Variants in CST3 observed in about 807,000 individuals in gnomAD.
CST3 encodes cystatin-C.
In CST3, 14 loss-of-function variants were observed where a neutral mutation model predicts 9.0. The observed-to-expected ratio is 1.56, with a 90% CI of 1.03 to 2.44. The LOEUF is 2.44. Among genes scored for constraint, CST3 ranks in the 30% most tolerant of loss-of-function variants. CST3 has a pLI of 0.00. For synonymous variants in CST3, 96 were observed against 90.2 expected (o/e 1.06, Z -0.37); for missense variants, 237 against 204.3 (o/e 1.16, Z -0.98).
chr20:23,626,832 G>A (rs560110164), exon 4 of CST3: 27 of 152,288 alleles, frequency 1.8e-4, no homozygotes, highest in African/African-American at 6.5e-4. Flanking sequence ...GATGGGGGTT[G>A]GGTGGTAAAT....
Position 23,637,676 on chromosome 20 carries a change from C to T in CST3, c.187G>A (p.Ala63Thr), listed in dbSNP as rs1979742906. The part of the protein sequence containing the change: ...LDFAVGEYNK[A>T]SNDMYHSRAL... ...CGGCTGTGGTACATGTCGTTGCTGG[C>T]TTTGTTGTACTCGCCGACGGCAAAG... Residue 63 changes from alanine to threonine, a missense_variant, in exon 1 of 3, where the codon GCC becomes ACC. Coordinates refer to ENST00000376925, the MANE Select transcript of CST3 (RefSeq NM_000099.4). The T allele has an allele frequency of 3.9e-6, 6 of 1,539,186 alleles. No homozygotes were observed. In the South Asian group the frequency reaches 7.3e-5, roughly 19 times the overall value.
intron 2 of CST3, among the ~76,000 whole-genome samples, chr20:23,634,524 G>A (rs1484869496): frequency 6.6e-6 from 1 of 152,070 alleles, no homozygotes. Context: ...GGTGAGCTGG[G>A]GCAGGTCTGA....
At chr20:23,629,904 C>T (rs1023196698), downstream of CST3, among the ~76,000 whole-genome samples, 2 of 152,162 alleles carry the variant, frequency 1.3e-5, no homozygotes, top group African/African-American at 4.8e-5. Context: ...TTCATTGCCC[C>T]AAACAAAGCT....
intron 2 of CST3, among the ~76,000 whole-genome samples, chr20:23,634,487 C>A (rs985153843): frequency 6.6e-6 from 1 of 152,150 alleles, no homozygotes; most frequent in Non-Finnish European, 1.5e-5. Flanking sequence ...CACAAGAAAT[C>A]CTGGGTCCTT....
At chr20:23,630,168 C>T (rs756427532), downstream of CST3, among the ~76,000 whole-genome samples, 3 of 152,200 alleles carry the variant, frequency 2.0e-5, no homozygotes, top group South Asian at 2.1e-4. Flanking sequence ...CCAATGTCCA[C>T]GTCCCATCCC....
rs546173157 is a variant in CST3 at position 23,637,668 on chromosome 20, G to C, written c.195C>G (p.Asn65Lys). The C allele has an allele frequency of 1.9e-5, 29 of 1,536,806 alleles. No individual in the cohort carries two copies. The highest frequency in any genetic ancestry group is 1.2e-4 in the Admixed American group (6 of 50,076). ...GCAGCGCGCGGCTGTGGTACATGTC[G>C]TTGCTGGCTTTGTTGTACTCGCCGA... ...FAVGEYNKAS[N>K]DMYHSRALQV... Residue 65 changes from asparagine to lysine, a missense_variant, in exon 1 of 3, where the codon AAC becomes AAG. Physicochemically the swap from Asn to Lys is moderately conservative, Grantham distance 94. Transcript: ENST00000376925.
exon 4 of CST3, chr20:23,627,927 T>C (rs1347792824): frequency 3.9e-5 from 6 of 152,204 alleles, no homozygotes; most frequent in Non-Finnish European, 7.3e-5. Context: ...TTTAAATTGG[T>C]TTTTTTAAAA....
Position 23,637,719 on chromosome 20 carries a change from A to T in CST3, c.144T>A (p.Gly48=). Reference sequence around the variant, plus strand: ...CGGCAAAGTCCAGTGCACGCCGCACACCCTCCTCCTCCACGCTGGCGTCCA... The same window carrying T: ...CGGCAAAGTCCAGTGCACGCCGCACTCCCTCCTCCTCCACGCTGGCGTCCA... ...GPMDASVEEE[G]VRRALDFAVG... The change falls in exon 1 of 3, where the codon GGT becomes GGA. Residue 48 remains glycine, a synonymous_variant. Coordinates refer to ENST00000376925, the MANE Select transcript of CST3 (RefSeq NM_000099.4). 6.5e-7 allele frequency: 1 copy of T among 1,543,624 alleles called. No homozygotes were observed. Among genetic ancestry groups the T allele is most frequent in the East Asian group, 2.5e-5 (1 of 39,814 alleles).
downstream of CST3, among the ~76,000 whole-genome samples, chr20:23,633,106 G>A (rs2122467273): frequency 6.6e-6 from 1 of 152,234 alleles, no homozygotes; most frequent in African/African-American, 2.4e-5. Flanking sequence ...TCTCTGGTCT[G>A]GCTGGCGTTT....
chr20:23,635,385 C>A lies in CST3; in HGVS notation c.244-18G>T, dbSNP rs1218143590. Reference sequence around the variant, plus strand: ...GCTACGATCTACACATGTGAAAGAGCAGGAGGCAGGGACAGCACGTTCTGT... The same window carrying A: ...GCTACGATCTACACATGTGAAAGAGAAGGAGGCAGGGACAGCACGTTCTGT... On this transcript the variant is annotated intron_variant, in intron 1 of 2. Coordinates refer to ENST00000376925, the MANE Select transcript of CST3 (RefSeq NM_000099.4). 3 of 1,603,374 alleles carry A rather than the reference C, an allele frequency of 1.9e-6. No homozygotes were observed. The highest frequency in any genetic ancestry group is 1.3e-5 in the African/African-American group (1 of 74,716).
chr20:23,635,160 C>A, intron 2 of CST3, 94 bp downstream of exon 2: 3 of 1,099,604 alleles, frequency 2.7e-6, no homozygotes, highest in Non-Finnish European at 4.1e-6. Context: ...CACATGCACA[C>A]GTACCCTGCA....
At chr20:23,626,915 G>A (rs574556941) in exon 4 of CST3, 2 of 152,266 alleles carry the variant, frequency 1.3e-5, no homozygotes, top group African/African-American at 2.4e-5. Flanking sequence ...TAATTTTGTC[G>A]AGGCTTGACT....
In CST3 at chr20:23,634,046, A is replaced by C. The variant is rs931941687; in HGVS notation, c.358-47T>G. 15 of 1,503,162 alleles carry C rather than the reference A, an allele frequency of 1.0e-5. No homozygotes were observed. In the Admixed American group the frequency reaches 2.0e-4, roughly 20 times the overall value. 93.1% of individuals were successfully genotyped at this position (1,503,162 alleles called of 1,614,324 possible). A position where few individuals can be genotyped will look rare whatever the true frequency, so the allele number is the denominator to read the frequency against. On this transcript the variant is annotated intron_variant, in intron 2 of 2. Transcript: ENST00000376925. ...ACAATCAGTGTGGGTTACAGTTCAA[A>C]GCAGAAGATGCCCAGGCACGGGACA...
chr20:23,630,524 G>A (rs1020904889), downstream of CST3, among the ~76,000 whole-genome samples: 2 of 152,342 alleles, frequency 1.3e-5, no homozygotes, highest in South Asian at 2.1e-4. Context: ...CAGCACAGCA[G>A]AGCATAAGGA....
At chr20:23,635,197 C>CAT (rs1979615050) in intron 2 of CST3, 57 bp downstream of exon 2, 2 of 1,423,574 alleles carry the variant, frequency 1.4e-6, no homozygotes, top group Admixed American at 3.4e-5. Flanking sequence ...CACACACACA[C>CAT]ACACACACAC....
intron 2 of CST3, among the ~76,000 whole-genome samples, 162 bp from the exon 3 acceptor site, chr20:23,634,161 A>G (rs1979565702): frequency 6.6e-6 from 1 of 151,980 alleles, no homozygotes; most frequent in Admixed American, 6.5e-5. Flanking sequence ...GCACCGCTGG[A>G]CTGGGCAGTG....
intron 2 of CST3, 83 bp downstream of exon 2, chr20:23,635,171 G>C: frequency 8.4e-7 from 1 of 1,189,662 alleles, no homozygotes; most frequent in Non-Finnish European, 1.2e-6. Context: ...GTACCCTGCA[G>C]AACATGTGCA....
At position 23,635,205 on chromosome 20, in the gene CST3, C is replaced by T. The variant is rs1343820439; in HGVS notation, c.357+49G>A. 12 of 1,460,716 alleles carry T rather than the reference C, an allele frequency of 8.2e-6. No individual in the cohort carries two copies. In the African/African-American group the frequency reaches 1.3e-4, roughly 15 times the overall value. The allele number at this position is 1,460,716 out of a possible 1,614,324, so 90.5% of individuals were successfully genotyped here. ...CATCACACACACACACACACACACA[C>T]ACCCCTCTGCAGTGTATGACTGGCC... On this transcript the variant is annotated intron_variant, in intron 2 of 2. Coordinates refer to ENST00000376925, the MANE Select transcript of CST3 (RefSeq NM_000099.4).
intron 2 of CST3, among the ~76,000 whole-genome samples, chr20:23,634,649 C>T (rs957241250): frequency 1.3e-5 from 2 of 152,060 alleles, no homozygotes; most frequent in African/African-American, 4.8e-5. Context: ...GCCCAGCACC[C>T]AGCCCTGCAG....
Sources: allele counts gnomAD v4.1 joint callset (sites outside exome capture counted in the v4.1 genomes callset), GRCh38; gene constraint gnomAD v4.1.1; transcripts MANE v1.5; gene names NCBI Gene and HGNC (gene_info 2026-07-23, HGNC 2026-07-21).